Variants in FAM120A observed in about 807,000 individuals in gnomAD.
FAM120A encodes constitutive coactivator of PPAR-gamma-like protein 1.
FAM120A carries 15 observed loss-of-function variants against 109.7 expected under a neutral mutation model. The ratio of observed to expected loss-of-function variants is 0.14; its 90% CI spans 0.09 to 0.21. The LOEUF is 0.21. Ranked by LOEUF, FAM120A falls within the 10% of genes least tolerant of loss-of-function variation. FAM120A has a pLI of 1.00. For synonymous variants in FAM120A, 493 were observed against 572.8 expected, an observed-to-expected ratio of 0.86 and a Z score of 1.99; for missense variants, 899 against 1,439.3, an observed-to-expected ratio of 0.62 and a Z score of 6.07.
At chr9:93,456,795 A>T (rs965258887) in intron 1 of FAM120A, among the ~76,000 whole-genome samples, 2 of 152,166 alleles carry the variant, frequency 1.3e-5, no homozygotes, top group Non-Finnish European at 2.9e-5. Context: ...ACGATAGCTA[A>T]CTGCTTCAGC....
At chr9:93,512,687 T>C (rs1860384680) in intron 5 of FAM120A, among the ~76,000 whole-genome samples, 1 of 152,224 alleles carries the variant, frequency 6.6e-6, no homozygotes, top group African/African-American at 2.4e-5. Context: ...TCTGCTCAGC[T>C]GCACTTGGGC....
chr9:93,485,602 A>G (rs10125504), intron 3 of FAM120A, among the ~76,000 whole-genome samples: 4,036 of 152,142 alleles, frequency 0.027, 174 homozygotes, highest in African/African-American at 0.092. Flanking sequence ...TATCTCCACA[A>G]AAAATAAAAA....
intron 1 of FAM120A, among the ~76,000 whole-genome samples, chr9:93,469,178 C>G (rs896127449): frequency 6.6e-6 from 1 of 152,240 alleles, no homozygotes; most frequent in Non-Finnish European, 1.5e-5. Flanking sequence ...AGCCCCTTCT[C>G]ACCCAGGCAT....
chr9:93,549,270 A>T lies in FAM120A; in HGVS notation c.2160-1307A>T, dbSNP rs540150262. 3.3e-5 allele frequency among the ~76,000 whole-genome samples: 5 copies of T among 152,318 alleles called. No homozygotes were observed. In the South Asian group the frequency reaches 1.0e-3, roughly 32 times the overall value. The stretch of plus-strand genomic sequence containing the variant: ...TTGTTCTCCTTGAAATTGCATTTAC[A>T]TCCTACTTTTGCCACATTAATTTGA... On this transcript the variant is annotated intron_variant, in intron 11 of 17. Transcript: ENST00000277165.
At chr9:93,539,289 G>A (rs577392106) in intron 10 of FAM120A, among the ~76,000 whole-genome samples, 7 of 152,058 alleles carry the variant, frequency 4.6e-5, no homozygotes, top group East Asian at 3.9e-4. Flanking sequence ...GAGCCACCGC[G>A]CCTGGCCGCC....
chr9:93,523,476 A>G (rs549781675), intron 7 of FAM120A: 2 of 376,496 alleles, frequency 5.3e-6, no homozygotes, highest in Admixed American at 9.8e-5. Context: ...GTTTTGACAC[A>G]TGGTACCATT....
At chr9:93,513,967 G>T (rs1404525239) in intron 5 of FAM120A, among the ~76,000 whole-genome samples, 1 of 152,200 alleles carries the variant, frequency 6.6e-6, no homozygotes, top group Non-Finnish European at 1.5e-5. Context: ...TTCTTGGGTT[G>T]TGTTCCCCTT....
intron 5 of FAM120A, among the ~76,000 whole-genome samples, chr9:93,508,360 C>T (rs1319480056): frequency 3.9e-5 from 6 of 152,156 alleles, no homozygotes; most frequent in African/African-American, 9.7e-5. Flanking sequence ...GGAAGGGCCC[C>T]GTGGTGTGTT....
chr9:93,453,090 C>G (rs1288993320), intron 1 of FAM120A: 1 of 1,062,382 alleles, frequency 9.4e-7, no homozygotes, highest in Non-Finnish European at 1.1e-6. Context: ...GACTTCACGT[C>G]CGTGTGAAAG....
intron 1 of FAM120A, among the ~76,000 whole-genome samples, chr9:93,462,848 G>A (rs1857855343): frequency 1.3e-5 from 2 of 152,182 alleles, no homozygotes; most frequent in South Asian, 4.1e-4. Flanking sequence ...GTTCATACAT[G>A]TTGTAACGTG....
chr9:93,534,692 A>G (rs546461924), intron 10 of FAM120A, among the ~76,000 whole-genome samples: 1 of 152,006 alleles, frequency 6.6e-6, no homozygotes, highest in Non-Finnish European at 1.5e-5. Context: ...TTTTTGGCCA[A>G]TGGGGAGGAT....
At chr9:93,543,748 T>A (rs1458703096) in intron 11 of FAM120A, among the ~76,000 whole-genome samples, 2 of 152,230 alleles carry the variant, frequency 1.3e-5, no homozygotes, top group South Asian at 2.1e-4. Context: ...GGTTTATTAT[T>A]TAAATATTGA....
chr9:93,465,056 A>T (rs897338483), intron 1 of FAM120A, among the ~76,000 whole-genome samples: 2 of 152,198 alleles, frequency 1.3e-5, no homozygotes, highest in Non-Finnish European at 2.9e-5. Flanking sequence ...GGAGAAGGGA[A>T]AACAGGAAGG....
chr9:93,558,865 G>A, intron 15 of FAM120A, 147 bp downstream of exon 15: 1 of 868,476 alleles, frequency 1.2e-6, no homozygotes, highest in South Asian at 1.7e-5. Context: ...GACCCTCATT[G>A]ACCACTCCTC....
intron 5 of FAM120A, among the ~76,000 whole-genome samples, chr9:93,501,182 C>T (rs957196309): frequency 2.0e-5 from 3 of 152,102 alleles, no homozygotes; most frequent in Non-Finnish European, 4.4e-5. Flanking sequence ...GTCTGTATGG[C>T]AGGTGTAGTT....
chr9:93,473,127 C>T (rs2131265813), intron 2 of FAM120A, among the ~76,000 whole-genome samples: 1 of 152,104 alleles, frequency 6.6e-6, no homozygotes, highest in South Asian at 2.1e-4. Context: ...AAGCAGTTCT[C>T]ATGCCTCAGC....
intron 3 of FAM120A, among the ~76,000 whole-genome samples, chr9:93,483,127 C>G (rs772518599): frequency 2.0e-5 from 3 of 152,120 alleles, no homozygotes; most frequent in Non-Finnish European, 4.4e-5. Flanking sequence ...TTATTTCTGA[C>G]TTTCACCTAT....
intron 5 of FAM120A, among the ~76,000 whole-genome samples, chr9:93,504,480 T>C (rs899391829): frequency 6.6e-6 from 1 of 152,214 alleles, no homozygotes; most frequent in Non-Finnish European, 1.5e-5. Context: ...GTATTAGTTA[T>C]TCTGTGCTTC....
Position 93,493,440 on chromosome 9 carries a change from A to T in FAM120A, c.805-4031A>T, listed in dbSNP as rs373920133. 5.6e-4 allele frequency among the ~76,000 whole-genome samples: 86 copies of T among 152,346 alleles called. No individual in the cohort carries two copies. The Middle Eastern group carries it at 0.01, about 18-fold the overall frequency. ...CTATATAATTTTGGAGGGCCCAAAG[A>T]TGTGGAATCAGTGTATTTGTAAGAA... On this transcript the variant is annotated intron_variant, in intron 3 of 17. Coordinates refer to ENST00000277165, the MANE Select transcript of FAM120A (RefSeq NM_014612.5).
Sources: allele counts gnomAD v4.1 joint callset (sites outside exome capture counted in the v4.1 genomes callset), GRCh38; gene constraint gnomAD v4.1.1; transcripts MANE v1.5; gene names NCBI Gene and HGNC (gene_info 2026-07-23, HGNC 2026-07-21).